GPC5: variants seen among roughly 807,000 people sequenced by gnomAD.
GPC5 encodes the protein glypican-5.
GPC5 carries 47 observed loss-of-function variants against 53.9 expected under a neutral mutation model. The ratio of observed to expected loss-of-function variants is 0.87; its 90% confidence interval spans 0.69 to 1.11. The LOEUF (loss-of-function observed/expected upper bound fraction) is 1.11. Among genes scored for constraint, GPC5 ranks in the 50% most tolerant of loss-of-function variants. The pLI is 0.00. For missense variants in GPC5, 748 were observed against 713.1 expected (o/e 1.05, Z -0.56); for synonymous variants, 286 against 263.3 (o/e 1.09, Z -0.84).
Position 91,810,900 on chromosome 13 carries a change from G to T in GPC5, c.1280+54480G>T, listed in dbSNP as rs375478323. Among the ~76,000 whole-genome samples the T allele has an allele frequency of 1.6e-3, 221 of 138,140 alleles. 1 individual carries two copies. In the Middle Eastern group the frequency reaches 0.039, roughly 25 times the overall value. 90.6% of individuals were successfully genotyped at this position (138,140 alleles called of 152,430 possible). A position where few individuals can be genotyped will look rare whatever the true frequency, so the allele number is the denominator to read the frequency against. On this transcript the variant is annotated intron_variant, in intron 5 of 7. Coordinates refer to ENST00000377067, the MANE Select transcript of GPC5 (RefSeq NM_004466.6). Reference sequence around the variant, plus strand: ...TGAGGAACACCTTTCTTATTTCTTTGTTCCTTTTTATTTAGAATCACAGAG... The same window carrying T: ...TGAGGAACACCTTTCTTATTTCTTTTTTCCTTTTTATTTAGAATCACAGAG...
chr13:91,844,570 G>A (rs2038826800), intron 5 of GPC5, among the ~76,000 whole-genome samples: 1 of 152,114 alleles, frequency 6.6e-6, no homozygotes, highest in Admixed American at 6.5e-5. Flanking sequence ...CCACTGAGTG[G>A]GAATCTAGAC....
chr13:92,541,552 A>G (rs17267193), intron 7 of GPC5, among the ~76,000 whole-genome samples: 25,674 of 151,152 alleles, frequency 0.17, 2,651 homozygotes, highest in Non-Finnish European at 0.23. Flanking sequence ...TTACATTGTT[A>G]ACACCCTGCT....
chr13:91,471,703 T>C (rs1361102758), intron 2 of GPC5, among the ~76,000 whole-genome samples: 1 of 152,196 alleles, frequency 6.6e-6, no homozygotes, highest in Non-Finnish European at 1.5e-5. Flanking sequence ...TTTGACTCTT[T>C]ATCCTGACTC....
At chr13:91,951,024 A>G (rs2040021407) in intron 6 of GPC5, among the ~76,000 whole-genome samples, 1 of 152,160 alleles carries the variant, frequency 6.6e-6, no homozygotes, top group Non-Finnish European at 1.5e-5. Flanking sequence ...TAGGGTGTGT[A>G]CTGATCACAT....
intron 7 of GPC5, among the ~76,000 whole-genome samples, chr13:92,287,135 G>A (rs1479684082): frequency 1.3e-5 from 2 of 152,090 alleles, no homozygotes; most frequent in African/African-American, 4.8e-5. Flanking sequence ...CTCATTAACT[G>A]TTTAAGTGTG....
At chr13:92,318,860 TG>T (rs540704118) in intron 7 of GPC5, among the ~76,000 whole-genome samples, 11 of 152,084 alleles carry the variant, frequency 7.2e-5, no homozygotes, top group Non-Finnish European at 1.5e-4. Context: ...TGTGGATTTT[TG>T]GGGGGGCTTT....
At chr13:91,970,860 C>T (rs1223879512) in intron 6 of GPC5, among the ~76,000 whole-genome samples, 7 of 152,080 alleles carry the variant, frequency 4.6e-5, no homozygotes, top group African/African-American at 1.4e-4. Context: ...CTGCTGGATT[C>T]GGTTTGCCAG....
rs1491273128 is a variant in GPC5 at position 91,572,085 on chromosome 13, ATG to A, written c.326-121100_326-121099del. 6.5e-5 allele frequency among the ~76,000 whole-genome samples: 9 copies of A among 137,654 alleles called. No individual in the cohort carries two copies. The South Asian group carries it at 1.8e-3, about 27-fold the overall frequency. The allele number at this position is 137,654 out of a possible 152,430, so 90.3% of individuals were successfully genotyped here. A position where few individuals can be genotyped will look rare whatever the true frequency, so the allele number is the denominator to read the frequency against. ...TACATGTATATACACACATATGTAT[ATG>A]TACATGTGTGTGTATATACACACAT... On this transcript the variant is annotated intron_variant, in intron 2 of 7. Coordinates refer to ENST00000377067, the MANE Select transcript of GPC5 (RefSeq NM_004466.6).
intron 5 of GPC5, among the ~76,000 whole-genome samples, chr13:91,787,439 T>C (rs1056478359): frequency 5.9e-5 from 9 of 152,220 alleles, no homozygotes; most frequent in African/African-American, 2.2e-4. Flanking sequence ...CATATGTTTT[T>C]AAAATTTGTT....
At position 92,031,434 on chromosome 13, in the gene GPC5, T is replaced by C. The variant is rs543408904; in HGVS notation, c.1402-113396T>C. On this transcript the variant is annotated intron_variant, in intron 6 of 7. Coordinates refer to ENST00000377067, the MANE Select transcript of GPC5 (RefSeq NM_004466.6). The stretch of plus-strand genomic sequence containing the variant: ...TTGCTGAATCAAATGGTGGTTCTAC[T>C]TTTAGTTCTTTAAGGAATCTTCACA... Among the ~76,000 whole-genome samples, 14 of 151,952 alleles carry C rather than the reference T, an allele frequency of 9.2e-5. No individual in the cohort carries two copies. In the South Asian group the frequency reaches 2.7e-3, roughly 29 times the overall value.
chr13:91,482,565 T>A (rs140239098), intron 2 of GPC5, among the ~76,000 whole-genome samples: 78 of 152,328 alleles, frequency 5.1e-4, no homozygotes, highest in Non-Finnish European at 7.5e-4. Flanking sequence ...ATTCCAGATT[T>A]ACTAAATCAG....
intron 5 of GPC5, among the ~76,000 whole-genome samples, chr13:91,800,009 A>G (rs1817702959): frequency 6.6e-6 from 1 of 152,064 alleles, no homozygotes; most frequent in Non-Finnish European, 1.5e-5. Context: ...TATCAACCCT[A>G]GTTTTTTTTC....
At chr13:92,191,690 A>G (rs2042223782) in intron 7 of GPC5, among the ~76,000 whole-genome samples, 1 of 152,208 alleles carries the variant, frequency 6.6e-6, no homozygotes, top group African/African-American at 2.4e-5. Flanking sequence ...ACTTGTAAGA[A>G]GTAAGCTATC....
chr13:91,694,000 T>C (rs2035825352), intron 3 of GPC5, 119 bp downstream of exon 3: 3 of 773,670 alleles, frequency 3.9e-6, no homozygotes, highest in Non-Finnish European at 6.0e-6. Context: ...AGATATTATT[T>C]TTTTATATCT....
At chr13:91,589,947 C>A (rs2032736298) in intron 2 of GPC5, among the ~76,000 whole-genome samples, 3 of 151,742 alleles carry the variant, frequency 2.0e-5, no homozygotes, top group African/African-American at 2.4e-5. Flanking sequence ...TAGTGTGTAA[C>A]CTTGGAGTTT....
intron 7 of GPC5, among the ~76,000 whole-genome samples, chr13:92,297,994 C>T (rs951789543): frequency 2.0e-5 from 3 of 152,032 alleles, no homozygotes; most frequent in Admixed American, 6.5e-5. Flanking sequence ...CACGAGGGTC[C>T]GCGGCTTCAT....
intron 7 of GPC5, among the ~76,000 whole-genome samples, chr13:92,347,084 G>A (rs1305681812): frequency 6.6e-6 from 1 of 152,122 alleles, no homozygotes; most frequent in Admixed American, 6.6e-5. Flanking sequence ...AATAGAAGTT[G>A]CAGAAGGTGA....
chr13:92,628,260 C>CTTTTTTTTTTTTTTTT (rs1286424637), intron 7 of GPC5, among the ~76,000 whole-genome samples: 27 of 37,558 alleles, frequency 7.2e-4, no homozygotes, highest in African/African-American at 2.1e-3. Context: ...TTTTCTTTTT[C>CTTTTTTTTTTTTTTTT]TTTCTTTTTT....
chr13:92,712,086 ATAAATTT>A (rs2139271099), intron 7 of GPC5, among the ~76,000 whole-genome samples: 1 of 151,422 alleles, frequency 6.6e-6, no homozygotes, highest in African/African-American at 2.4e-5. Context: ...AAAACAAAAA[ATAAATTT>A]TAAAATAGTT....
Sources: allele counts gnomAD v4.1 joint callset (sites outside exome capture counted in the v4.1 genomes callset), GRCh38; gene constraint gnomAD v4.1.1; transcripts MANE v1.5; gene names NCBI Gene and HGNC (gene_info 2026-07-23, HGNC 2026-07-21).